LRRC63: variants seen among roughly 807,000 people sequenced by gnomAD.
LRRC63 encodes leucine rich repeat containing 63.
LRRC63 carries 40 observed loss-of-function variants against 49.5 expected under a neutral mutation model. The ratio of observed to expected loss-of-function variants is 0.81; its 90% CI spans 0.63 to 1.05. The LOEUF (loss-of-function observed/expected upper bound fraction) is 1.05, where lower values mean the gene tolerates loss of function less well. Ranked by LOEUF, LRRC63 falls within the 50% of genes least tolerant of loss-of-function variation. The pLI is 0.00. For missense variants in LRRC63, 636 were observed against 663.1 expected (o/e 0.96, Z 0.45); for synonymous variants, 191 against 221.1 (o/e 0.86, Z 1.21).
intron 6 of LRRC63, among the ~76,000 whole-genome samples, chr13:46,248,336 T>G (rs1418541252): frequency 6.6e-6 from 1 of 151,994 alleles, no homozygotes; most frequent in Non-Finnish European, 1.5e-5. Flanking sequence ...ATAGTCAAAC[T>G]GTACAAAATT....
intron 9 of LRRC63, among the ~76,000 whole-genome samples, chr13:46,269,267 T>C (rs149561243): frequency 1.3e-5 from 2 of 150,332 alleles, no homozygotes; most frequent in East Asian, 3.9e-4. Flanking sequence ...AGACTTACTA[T>C]ACAAAGTTAG....
At chr13:46,216,285 T>G (rs2046249511) in intron 2 of LRRC63, among the ~76,000 whole-genome samples, 2 of 152,190 alleles carry the variant, frequency 1.3e-5, no homozygotes, top group Admixed American at 6.5e-5. Context: ...TGTCCTCTCT[T>G]ATTTCCTTGA....
At position 46,246,515 on chromosome 13, in the gene LRRC63, A is replaced by T; in HGVS notation, c.991-12A>T. The T allele has an allele frequency of 7.2e-7, 1 of 1,379,646 alleles. No homozygotes were observed. Among genetic ancestry groups the T allele is most frequent in the Non-Finnish European group, 9.6e-7 (1 of 1,047,044 alleles). 85.5% of individuals were successfully genotyped at this position (1,379,646 alleles called of 1,614,324 possible). ...AGTGATTAACACCTTATCTCTTGTC[A>T]CTTTCTTTTAGGGCTTTTTTATCCT... On this transcript the variant is annotated splice_polypyrimidine_tract_variant and intron_variant, in intron 5 of 9. Transcript: ENST00000595396.
intron 2 of LRRC63, among the ~76,000 whole-genome samples, chr13:46,216,327 C>G (rs929836231): frequency 1.7e-4 from 26 of 152,110 alleles, no homozygotes; most frequent in Admixed American, 1.7e-3. Flanking sequence ...TGAAGAGGTC[C>G]TTCACCTCCC....
chr13:46,259,233 TAATA>T (rs2047575337), intron 7 of LRRC63, among the ~76,000 whole-genome samples: 2 of 152,106 alleles, frequency 1.3e-5, no homozygotes, highest in Non-Finnish European at 2.9e-5. Flanking sequence ...AAAATGAAGA[TAATA>T]AATCACTTCA....
Position 46,248,806 on chromosome 13 carries a change from A to T in LRRC63, c.1090-1549A>T, listed in dbSNP as rs77695963. 3.0e-3 allele frequency among the ~76,000 whole-genome samples: 455 copies of T among 152,080 alleles called. 7 individuals are homozygous for T. The highest frequency in any genetic ancestry group is 0.01 in the African/African-American group (427 of 41,558). On this transcript the variant is annotated intron_variant, in intron 6 of 9. Transcript: ENST00000595396. ...CTAATAAATCTGTATGGAATGTATT[A>T]GGGTCTAACTCAAACCAATAGCAGC... is the stretch of plus-strand genomic sequence containing the variant.
intron 2 of LRRC63, among the ~76,000 whole-genome samples, chr13:46,216,580 TC>T (rs2046257831): frequency 6.6e-6 from 1 of 152,208 alleles, no homozygotes; most frequent in Non-Finnish European, 1.5e-5. Flanking sequence ...CAATTTGACT[TC>T]CTCTACCCTT....
At chr13:46,271,756 T>C (rs1442494442) in intron 9 of LRRC63, among the ~76,000 whole-genome samples, 4 of 151,640 alleles carry the variant, frequency 2.6e-5, no homozygotes, top group Non-Finnish European at 1.5e-5. Context: ...ACTATGAATT[T>C]ATAGTTTAAG....
intron 5 of LRRC63, among the ~76,000 whole-genome samples, chr13:46,241,735 C>T (rs1246049559): frequency 2.0e-5 from 3 of 152,132 alleles, no homozygotes; most frequent in Non-Finnish European, 4.4e-5. Flanking sequence ...TGTCACTGAT[C>T]ATTAGAGAAA....
chr13:46,248,960 A>G (rs923492914), intron 6 of LRRC63, among the ~76,000 whole-genome samples: 2 of 151,912 alleles, frequency 1.3e-5, no homozygotes, highest in African/African-American at 4.8e-5. Flanking sequence ...CTACAATAGA[A>G]TTAAATTATA....
intron 5 of LRRC63, among the ~76,000 whole-genome samples, chr13:46,239,786 C>T (rs918290606): frequency 6.6e-6 from 1 of 152,170 alleles, no homozygotes; most frequent in Non-Finnish European, 1.5e-5. Flanking sequence ...AGCAGCACAT[C>T]AAAAAGTTTA....
chr13:46,228,060 C>T (rs2138406735), exon 3 of LRRC63: 2 of 1,551,022 alleles, frequency 1.3e-6, no homozygotes, highest in East Asian at 2.4e-5. Context: ...ATCTATGAAA[C>T]CAGAAGGACA....
chr13:46,247,264 C>T (rs1260543191), intron 6 of LRRC63, among the ~76,000 whole-genome samples: 1 of 152,066 alleles, frequency 6.6e-6, no homozygotes, highest in Non-Finnish European at 1.5e-5. Flanking sequence ...CATATATTTT[C>T]CATACTTTCT....
At chr13:46,243,600 G>A (rs1294559426) in intron 5 of LRRC63, among the ~76,000 whole-genome samples, 1 of 152,108 alleles carries the variant, frequency 6.6e-6, no homozygotes, top group Non-Finnish European at 1.5e-5. Flanking sequence ...AAAAGAGCAG[G>A]AGCAACTATA....
chr13:46,226,690 G>A (rs1056654309), intron 2 of LRRC63, among the ~76,000 whole-genome samples: 2 of 152,208 alleles, frequency 1.3e-5, no homozygotes, highest in African/African-American at 4.8e-5. Context: ...CAATAGCTCT[G>A]TTCAGAAGAA....
At chr13:46,230,315 C>T (rs1384448948) in intron 4 of LRRC63, among the ~76,000 whole-genome samples, 1 of 152,128 alleles carries the variant, frequency 6.6e-6, no homozygotes, top group Non-Finnish European at 1.5e-5. Context: ...AGTTTGGGTT[C>T]TCTAGAGGGA....
intron 2 of LRRC63, among the ~76,000 whole-genome samples, chr13:46,214,429 T>G (rs1243530682): frequency 2.0e-5 from 3 of 152,204 alleles, no homozygotes; most frequent in Non-Finnish European, 2.9e-5. Flanking sequence ...GTATGCAGAT[T>G]TACAGCTCAA....
In LRRC63 at chr13:46,250,398, A is replaced by C. The variant is rs2047346367; in HGVS notation, c.1133A>C (p.Asn378Thr). 2.6e-6 allele frequency: 4 copies of C among 1,526,140 alleles called. No homozygotes were observed. In the East Asian group the frequency reaches 9.8e-5, roughly 38 times the overall value. 94.5% of individuals were successfully genotyped at this position (1,526,140 alleles called of 1,614,324 possible). A position where few individuals can be genotyped will look rare whatever the true frequency, so the allele number is the denominator to read the frequency against. ...TTACAAATACTGAAATTGAGAAATA[A>C]TCCTATCAAAGAAATTCCTTCTGAA... Residue 378 changes from asparagine to threonine, a missense_variant, in exon 7 of 10, where the codon AAT becomes ACT. Physicochemically the swap from Asn to Thr is moderately conservative, Grantham distance 65. Coordinates refer to ENST00000595396, the Ensembl canonical transcript of LRRC63.
intron 5 of LRRC63, among the ~76,000 whole-genome samples, chr13:46,243,130 C>G (rs73480790): frequency 6.6e-6 from 1 of 152,048 alleles, no homozygotes; most frequent in Non-Finnish European, 1.5e-5. Context: ...GAGATAGGCA[C>G]TATGGAAGGA....
Sources: allele counts gnomAD v4.1 joint callset (sites outside exome capture counted in the v4.1 genomes callset), GRCh38; gene constraint gnomAD v4.1.1; transcripts MANE v1.5; gene names NCBI Gene and HGNC (gene_info 2026-07-23, HGNC 2026-07-21).